The following THSD7B variants were observed in gnomAD, a reference collection of about 807,000 sequenced individuals.
The protein encoded by THSD7B is thrombospondin type 1 domain containing 7B.
Under a neutral mutation model 213.6 loss-of-function variants are expected in THSD7B, and 138 were observed. The observed-to-expected ratio is 0.65, with a 90% confidence interval of 0.56 to 0.74. THSD7B has a LOEUF of 0.74. THSD7B is among the 30% of genes least tolerant of loss of function. The pLI is 0.00. For synonymous variants in THSD7B, 742 were observed against 687.0 expected (o/e 1.08, Z -1.25); for missense variants, 1,931 against 1,991.5 (o/e 0.97, Z 0.58).
intron 7 of THSD7B, among the ~76,000 whole-genome samples, chr2:137,214,165 T>G (rs1681181486): frequency 6.6e-6 from 1 of 152,126 alleles, no homozygotes; most frequent in East Asian, 1.9e-4. Context: ...GTATATGTTT[T>G]TCTCATATAC....
At chr2:137,053,422 C>T (rs1466423072) in intron 2 of THSD7B, among the ~76,000 whole-genome samples, 1 of 151,768 alleles carries the variant, frequency 6.6e-6, no homozygotes, top group African/African-American at 2.4e-5. Flanking sequence ...TTCATTTGAT[C>T]TTAGCCAAAA....
intron 12 of THSD7B, among the ~76,000 whole-genome samples, chr2:137,326,719 G>A (rs34536023): frequency 6.6e-6 from 1 of 152,104 alleles, no homozygotes; most frequent in African/African-American, 2.4e-5. Context: ...AAAATAAATA[G>A]AAGATGCTGG....
intron 12 of THSD7B, among the ~76,000 whole-genome samples, chr2:137,345,518 A>T (rs1238346873): frequency 6.6e-6 from 1 of 151,780 alleles, no homozygotes; most frequent in African/African-American, 2.4e-5. Context: ...TTCAGAACAA[A>T]GAAACATAAT....
rs113220274 is a variant in THSD7B, at chr2:136,981,598, G to A, written c.140-74822G>A. Among the ~76,000 whole-genome samples the A allele has an allele frequency of 6.9e-3, 1,045 of 152,278 alleles. 11 individuals carry two copies. Among genetic ancestry groups the A allele is most frequent in the African/African-American group, 0.023 (970 of 41,546 alleles). ...TGACCTTGTAGCATGGCCTGCAGAA[G>A]CCTGGGTTCTACATGATTATCATCA... On this transcript the variant is annotated intron_variant, in intron 2 of 27. Transcript: ENST00000409968.
At chr2:136,843,482 A>G (rs982318966) in intron 1 of THSD7B, among the ~76,000 whole-genome samples, 1 of 152,230 alleles carries the variant, frequency 6.6e-6, no homozygotes, top group African/African-American at 2.4e-5. Flanking sequence ...AATATTACAT[A>G]AAACTTTTTT....
intron 15 of THSD7B, among the ~76,000 whole-genome samples, chr2:137,518,658 A>G (rs1680120127): frequency 6.6e-6 from 1 of 152,120 alleles, no homozygotes; most frequent in African/African-American, 2.4e-5. Context: ...TGTTCTGTGG[A>G]CACCACTCAT....
At chr2:137,590,590 T>A (rs1681841941) in intron 17 of THSD7B, among the ~76,000 whole-genome samples, 1 of 152,048 alleles carries the variant, frequency 6.6e-6, no homozygotes, top group Non-Finnish European at 1.5e-5. Context: ...GACATCTTTA[T>A]TTTTCCAAGA....
chr2:137,638,468 A>C (rs962158449), intron 20 of THSD7B, among the ~76,000 whole-genome samples: 12 of 152,040 alleles, frequency 7.9e-5, no homozygotes, highest in African/African-American at 2.9e-4. Flanking sequence ...GTCCAATTAA[A>C]CCTCGTTTTC....
intron 2 of THSD7B, among the ~76,000 whole-genome samples, chr2:136,943,870 T>G (rs967015401): frequency 6.6e-6 from 1 of 152,216 alleles, no homozygotes; most frequent in Admixed American, 6.5e-5. Context: ...GTTTTTTGTG[T>G]CTCTATCTCC....
At chr2:137,218,910 CCTATT>C (rs1239658481) in intron 7 of THSD7B, among the ~76,000 whole-genome samples, 5 of 151,804 alleles carry the variant, frequency 3.3e-5, no homozygotes, top group African/African-American at 1.2e-4. Context: ...GAGTGAGAAA[CCTATT>C]CTAAGTATTA....
At chr2:136,828,370 G>A (rs574866700) in intron 1 of THSD7B, among the ~76,000 whole-genome samples, 1 of 152,018 alleles carries the variant, frequency 6.6e-6, no homozygotes, top group Admixed American at 6.6e-5. Context: ...AGCAAATTTG[G>A]TCATCTTGAC....
In THSD7B at chr2:137,663,496, C is replaced by T; in HGVS notation, c.4572C>T (p.Asn1524=). ...GSEDKKADVK[N]LSGKNRPVNS... ...AGGATAAAAAAGCTGATGTGAAAAA[C>T]CTTTCTGGGAAAAACAGACCTGTGA... is the stretch of plus-strand genomic sequence containing the variant. The change falls in exon 26 of 28, where the codon AAC becomes AAT. Residue 1524 remains asparagine (N), a synonymous_variant. Coordinates refer to ENST00000409968, the MANE Select transcript of THSD7B (RefSeq NM_001316349.2). 1 of 1,605,716 alleles carries T rather than the reference C, an allele frequency of 6.2e-7. No homozygotes were observed.
intron 15 of THSD7B, among the ~76,000 whole-genome samples, chr2:137,553,259 T>C (rs894257872): frequency 2.0e-5 from 3 of 152,196 alleles, no homozygotes; most frequent in Non-Finnish European, 4.4e-5. Context: ...CAAGGTTTAT[T>C]GCTACAGAAA....
intron 2 of THSD7B, among the ~76,000 whole-genome samples, chr2:137,032,214 A>G (rs1024409129): frequency 7.9e-5 from 12 of 152,108 alleles, no homozygotes; most frequent in Non-Finnish European, 1.8e-4. Context: ...CCCTACTAAT[A>G]GAGTAAAGTT....
At chr2:137,613,400 G>A (rs944484989) in intron 17 of THSD7B, among the ~76,000 whole-genome samples, 3 of 152,136 alleles carry the variant, frequency 2.0e-5, no homozygotes, top group African/African-American at 7.2e-5. Flanking sequence ...ATGAATACAA[G>A]TATTTAAATC....
intron 12 of THSD7B, among the ~76,000 whole-genome samples, chr2:137,309,117 A>G (rs1323029628): frequency 4.6e-5 from 7 of 152,160 alleles, no homozygotes; most frequent in African/African-American, 1.7e-4. Flanking sequence ...CAACAATAGC[A>G]TAGGACAGTG....
chr2:136,991,713 C>T (rs1471978050), intron 2 of THSD7B, among the ~76,000 whole-genome samples: 2 of 152,170 alleles, frequency 1.3e-5, no homozygotes, highest in Non-Finnish European at 2.9e-5. Flanking sequence ...TTCTTGTTGG[C>T]CTTATTGTTT....
intron 20 of THSD7B, among the ~76,000 whole-genome samples, chr2:137,636,876 T>C (rs1285417854): frequency 1.3e-5 from 2 of 152,214 alleles, no homozygotes; most frequent in East Asian, 1.9e-4. Context: ...TCTATAGATA[T>C]GAGGTCTTGC....
At chr2:137,529,964 C>G (rs1228800203) in intron 15 of THSD7B, among the ~76,000 whole-genome samples, 2 of 151,878 alleles carry the variant, frequency 1.3e-5, no homozygotes, top group East Asian at 1.9e-4. Context: ...TGCAAAGGAG[C>G]CTTTTAATTT....
Sources: gnomAD v4.1 joint callset for allele counts (sites outside exome capture counted in the v4.1 genomes callset) on GRCh38, gnomAD v4.1.1 for gene constraint, MANE v1.5 for transcripts, NCBI Gene and HGNC (gene_info 2026-07-23, HGNC 2026-07-21) for gene names.